The following ANKRD30B variants were observed in gnomAD, a reference collection of about 807,000 sequenced individuals.
ANKRD30B encodes ankyrin repeat domain 30B, also known as ankyrin repeat domain-containing protein 30B.
ANKRD30B carries 144 observed loss-of-function variants against 202.2 expected under a neutral mutation model. The observed-to-expected ratio is 0.71, with a 90% CI of 0.62 to 0.82. The LOEUF (loss-of-function observed/expected upper bound fraction) is 0.82, where lower values mean the gene tolerates loss of function less well. ANKRD30B is among the 40% of genes least tolerant of loss of function. The pLI, the probability that ANKRD30B is intolerant of heterozygous loss-of-function variation, is 0.00. For missense variants in ANKRD30B, 1,487 were observed against 1,669.1 expected, an observed-to-expected ratio of 0.89 and a Z score of 1.90; for synonymous variants, 508 against 561.3, an observed-to-expected ratio of 0.91 and a Z score of 1.34.
chr18:14,922,235 C>T, the ANKRD30B span, among the ~76,000 whole-genome samples: 2 of 152,084 alleles, frequency 1.3e-5, no homozygotes, highest in African/African-American at 4.8e-5. Flanking sequence ...TCAGCCAACA[C>T]CCACAGAGGG....
At chr18:14,913,063 C>A in the ANKRD30B span, among the ~76,000 whole-genome samples, 1 of 152,196 alleles carries the variant, frequency 6.6e-6, no homozygotes, top group African/African-American at 2.4e-5. Flanking sequence ...AGAGAAGGAC[C>A]CATTTTATCA....
In ANKRD30B at chr18:14,808,466, C is replaced by A; in HGVS notation, c.2285-85C>A. On this transcript the variant is annotated intron_variant, in intron 24 of 43. Transcript: ENST00000690538. ...CCTTTTCAATCCAAGCATGAGGACTCATCTTCATATTCACATTGTACGAAT... is the reference window on the plus strand; with the variant it reads ...CCTTTTCAATCCAAGCATGAGGACTAATCTTCATATTCACATTGTACGAAT... 4 of 1,301,290 alleles carry A rather than the reference C, an allele frequency of 3.1e-6. 1 individual carries two copies. In the South Asian group the frequency reaches 4.8e-5, roughly 16 times the overall value. The allele number at this position is 1,301,290 out of a possible 1,614,324, so 80.6% of individuals were successfully genotyped here.
intron 22 of ANKRD30B, 73 bp downstream of exon 22, chr18:14,799,368 A>G: frequency 7.6e-7 from 1 of 1,317,598 alleles, no homozygotes; most frequent in African/African-American, 1.5e-5. Context: ...GCACCTTTTT[A>G]TTCCCAATGT....
chr18:14,748,812 C>A (rs988087773), intron 1 of ANKRD30B, among the ~76,000 whole-genome samples, 172 bp downstream of exon 1: 1 of 152,100 alleles, frequency 6.6e-6, no homozygotes, highest in Non-Finnish European at 1.5e-5. Flanking sequence ...CCCGGTCAGG[C>A]CCCCCAGGCC....
At chr18:14,916,903 G>A in the ANKRD30B span, among the ~76,000 whole-genome samples, 2 of 152,190 alleles carry the variant, frequency 1.3e-5, no homozygotes, top group Admixed American at 6.5e-5. Context: ...AGGAGCCAGT[G>A]ACTTGGCTAA....
At chr18:14,781,264 C>T (rs1005109250) in intron 11 of ANKRD30B, among the ~76,000 whole-genome samples, 110 of 62,212 alleles carry the variant, frequency 1.8e-3, no homozygotes, top group African/African-American at 5.6e-3. Context: ...TAAATATAGC[C>T]GCTTCTACAA....
the ANKRD30B span, among the ~76,000 whole-genome samples, chr18:14,923,155 G>T: frequency 1.3e-5 from 2 of 152,122 alleles, no homozygotes; most frequent in African/African-American, 4.8e-5. Context: ...AAATGTGCTG[G>T]TTTCAGTAAC....
chr18:14,855,710 G>A (rs559287790), downstream of ANKRD30B, among the ~76,000 whole-genome samples: 8 of 149,972 alleles, frequency 5.3e-5, no homozygotes, highest in Middle Eastern at 3.6e-3. Context: ...CAGACGGGGC[G>A]GCTGGGCAGA....
intron 15 of ANKRD30B, among the ~76,000 whole-genome samples, chr18:14,790,733 A>T (rs4052689): frequency 6.6e-6 from 1 of 152,032 alleles, no homozygotes; most frequent in African/African-American, 2.4e-5. Context: ...CATCCCAGGG[A>T]TGAAGCCCAC....
At chr18:14,793,738 C>T (rs1568017965) in intron 16 of ANKRD30B, among the ~76,000 whole-genome samples, 1 of 151,650 alleles carries the variant, frequency 6.6e-6, no homozygotes, top group Non-Finnish European at 1.5e-5. Context: ...AATAAAAATA[C>T]AAAAAATTAG....
At chr18:14,844,065 A>G (rs577995733) in intron 39 of ANKRD30B, among the ~76,000 whole-genome samples, 2 of 152,292 alleles carry the variant, frequency 1.3e-5, no homozygotes, top group South Asian at 4.1e-4. Flanking sequence ...ATTTTCTGTA[A>G]CATTCTTTGT....
At chr18:14,806,462 G>A (rs371449154) in intron 24 of ANKRD30B, among the ~76,000 whole-genome samples, 1 of 150,884 alleles carries the variant, frequency 6.6e-6, no homozygotes, top group Admixed American at 6.6e-5. Flanking sequence ...TTAGAGCCAT[G>A]CCATGTGACC....
intron 39 of ANKRD30B, among the ~76,000 whole-genome samples, chr18:14,847,194 T>A (rs1971686756): frequency 6.6e-6 from 1 of 151,136 alleles, no homozygotes; most frequent in Non-Finnish European, 1.5e-5. Context: ...TATAACTCTT[T>A]GCTTTGCTGT....
At chr18:14,860,070 T>C in the ANKRD30B span, among the ~76,000 whole-genome samples, 2 of 136,162 alleles carry the variant, frequency 1.5e-5, no homozygotes, top group Non-Finnish European at 3.1e-5. Context: ...GCTCCTCACC[T>C]CCCAGACAAT....
chr18:14,869,423 G>T, the ANKRD30B span, among the ~76,000 whole-genome samples: 1 of 151,282 alleles, frequency 6.6e-6, no homozygotes, highest in Non-Finnish European at 1.5e-5. Flanking sequence ...GAAAAATTTA[G>T]TCATTCTTCT....
At chr18:14,841,454 G>T (rs1568067462) in intron 37 of ANKRD30B, among the ~76,000 whole-genome samples, 2 of 152,152 alleles carry the variant, frequency 1.3e-5, no homozygotes, top group South Asian at 4.1e-4. Flanking sequence ...CAGTTGGATA[G>T]AAGTTCAAGA....
chr18:14,919,040 C>G, the ANKRD30B span, among the ~76,000 whole-genome samples: 1 of 152,212 alleles, frequency 6.6e-6, no homozygotes, highest in Non-Finnish European at 1.5e-5. Context: ...GCCTCCAGAA[C>G]TGTGAGAGAA....
At chr18:14,832,791 G>C (rs1224608226) in intron 34 of ANKRD30B, among the ~76,000 whole-genome samples, 2 of 152,100 alleles carry the variant, frequency 1.3e-5, no homozygotes, top group Non-Finnish European at 2.9e-5. Context: ...GTTATCTTGA[G>C]AAAATATGTC....
intron 7 of ANKRD30B, among the ~76,000 whole-genome samples, chr18:14,767,019 A>T (rs1227344330): frequency 6.6e-6 from 1 of 152,226 alleles, no homozygotes; most frequent in Admixed American, 6.5e-5. Context: ...CGAAGAAAAA[A>T]TCTCCCAAGA....
Sources: allele counts gnomAD v4.1 joint callset (sites outside exome capture counted in the v4.1 genomes callset), GRCh38; gene constraint gnomAD v4.1.1; transcripts MANE v1.5; gene names NCBI Gene and HGNC (gene_info 2026-07-23, HGNC 2026-07-21).